Variants in CDKAL1 observed in about 807,000 individuals in gnomAD.
CDKAL1 encodes threonylcarbamoyladenosine tRNA methylthiotransferase.
In CDKAL1, 32 loss-of-function variants were observed where a neutral mutation model predicts 68.2. The observed-to-expected ratio is 0.47, with a 90% CI of 0.35 to 0.63. CDKAL1 has a LOEUF of 0.63. CDKAL1 is among the 30% of genes least tolerant of loss of function. CDKAL1 has a pLI of 0.00. For missense variants in CDKAL1, 606 were observed against 696.7 expected (o/e 0.87, Z 1.47); for synonymous variants, 234 against 244.3 (o/e 0.96, Z 0.39).
intron 4 of CDKAL1, among the ~76,000 whole-genome samples, chr6:20,614,733 G>A (rs185530797): frequency 5.6e-4 from 85 of 152,188 alleles, no homozygotes; most frequent in Non-Finnish European, 6.3e-4. Flanking sequence ...GTAGTTCTGC[G>A]TGTAGCTTTA....
intron 4 of CDKAL1, among the ~76,000 whole-genome samples, chr6:20,628,245 T>C (rs1767517801): frequency 6.6e-6 from 1 of 152,152 alleles, no homozygotes; most frequent in Non-Finnish European, 1.5e-5. Context: ...TGGTAGATGC[T>C]CTTTATGTGT....
intron 4 of CDKAL1, among the ~76,000 whole-genome samples, chr6:20,609,277 C>CTCCTTCTCCTTCTTA (rs1766485386): frequency 5.9e-5 from 1 of 16,952 alleles, no homozygotes; most frequent in Non-Finnish European, 1.7e-4. Flanking sequence ...CCTCCTTCTC[C>CTCCTTCTCCTTCTTA]TCCTTCTCCT....
chr6:20,590,897 G>T (rs1046117672), intron 4 of CDKAL1, among the ~76,000 whole-genome samples: 3 of 152,102 alleles, frequency 2.0e-5, no homozygotes, highest in Non-Finnish European at 2.9e-5. Context: ...GGGTCAAATG[G>T]TATTTCTGGT....
chr6:20,590,291 A>G (rs1765536624), intron 4 of CDKAL1, among the ~76,000 whole-genome samples: 1 of 152,132 alleles, frequency 6.6e-6, no homozygotes, highest in Admixed American at 6.5e-5. Context: ...TCTAGACTAG[A>G]TATGCAAATT....
intron 13 of CDKAL1, among the ~76,000 whole-genome samples, chr6:21,113,808 T>C (rs1774248114): frequency 6.6e-6 from 1 of 151,748 alleles, no homozygotes; most frequent in African/African-American, 2.4e-5. Flanking sequence ...GGTGTGGTGC[T>C]GTGTGCCTGT....
chr6:20,749,021 C>A (rs146207551), intron 6 of CDKAL1, among the ~76,000 whole-genome samples: 2 of 140,486 alleles, frequency 1.4e-5, no homozygotes, highest in East Asian at 1.9e-4. Context: ...AAAATGTATT[C>A]ACTTCTTTTA....
chr6:20,650,146 T>C (rs930315625), intron 5 of CDKAL1, among the ~76,000 whole-genome samples: 5 of 152,220 alleles, frequency 3.3e-5, no homozygotes, highest in African/African-American at 1.2e-4. Flanking sequence ...CCACACTGTC[T>C]TCCACAATGG....
At chr6:20,914,210 A>C (rs1052742058) in intron 9 of CDKAL1, among the ~76,000 whole-genome samples, 1 of 152,174 alleles carries the variant, frequency 6.6e-6, no homozygotes, top group Non-Finnish European at 1.5e-5. Context: ...GTGTGGCATG[A>C]ACCTGGGAGG....
chr6:20,998,565 C>T lies in CDKAL1; in HGVS notation c.910-1662C>T, dbSNP rs561282939. On this transcript the variant is annotated intron_variant, in intron 10 of 15. Transcript: ENST00000274695. ...GGTGGAGGTGGCAGTGAGCTGAGAT[C>T]GCGCCAGTGCACTCCAGCCTGGGTG... is the stretch of plus-strand genomic sequence containing the variant. 1.2e-3 allele frequency among the ~76,000 whole-genome samples: 188 copies of T among 151,338 alleles called. 2 individuals are homozygous for T. The highest frequency in any genetic ancestry group is 1.6e-3 in the Non-Finnish European group (111 of 67,892).
chr6:21,089,543 T>TA (rs1158234590), intron 12 of CDKAL1, among the ~76,000 whole-genome samples: 2 of 152,142 alleles, frequency 1.3e-5, no homozygotes, highest in African/African-American at 4.8e-5. Flanking sequence ...TGTGACTGTG[T>TA]AGATCCTTTG....
chr6:20,761,543 TAAAG>T (rs1342043120), intron 7 of CDKAL1, among the ~76,000 whole-genome samples: 1 of 152,086 alleles, frequency 6.6e-6, no homozygotes, highest in African/African-American at 2.4e-5. Flanking sequence ...AGTAAATAGA[TAAAG>T]AAACTGTGGT....
At chr6:21,092,343 A>C (rs1417903667) in intron 12 of CDKAL1, among the ~76,000 whole-genome samples, 4 of 149,238 alleles carry the variant, frequency 2.7e-5, no homozygotes, top group Non-Finnish European at 5.9e-5. Flanking sequence ...GGTTTGCTGC[A>C]CCTGTCAACC....
chr6:21,151,259 C>T (rs961953247), intron 13 of CDKAL1, among the ~76,000 whole-genome samples: 9 of 152,252 alleles, frequency 5.9e-5, no homozygotes, highest in Admixed American at 2.0e-4. Context: ...ATAGAAAAGC[C>T]GTACTGAACT....
chr6:20,958,596 G>GA (rs1183885449), intron 10 of CDKAL1, among the ~76,000 whole-genome samples: 1 of 152,000 alleles, frequency 6.6e-6, no homozygotes, highest in Non-Finnish European at 1.5e-5. Flanking sequence ...TCACCAATAA[G>GA]AAAAAACAGA....
intron 7 of CDKAL1, among the ~76,000 whole-genome samples, chr6:20,764,713 A>G (rs1206402886): frequency 6.6e-6 from 1 of 152,222 alleles, no homozygotes; most frequent in Admixed American, 6.5e-5. Context: ...TCAATGAGTA[A>G]GTGATTGAGC....
chr6:21,022,181 G>A (rs947998653), intron 11 of CDKAL1, among the ~76,000 whole-genome samples: 19 of 152,154 alleles, frequency 1.2e-4, no homozygotes, highest in African/African-American at 4.3e-4. Context: ...TGCAGGTCCC[G>A]AGGTATGAAA....
chr6:20,909,447 A>T (rs1020260750), intron 9 of CDKAL1, among the ~76,000 whole-genome samples: 1 of 152,128 alleles, frequency 6.6e-6, no homozygotes, highest in Non-Finnish European at 1.5e-5. Context: ...TTGTAAACCA[A>T]TGTTGTTTTG....
intron 4 of CDKAL1, among the ~76,000 whole-genome samples, chr6:20,637,075 T>C (rs9368215): frequency 0.64 from 96,856 of 150,446 alleles, 31,438 homozygotes; most frequent in East Asian, 0.82. Context: ...AAGAAAGGAC[T>C]GTTTCACTGC....
At chr6:20,926,632 A>G (rs932441390) in intron 9 of CDKAL1, among the ~76,000 whole-genome samples, 1 of 152,086 alleles carries the variant, frequency 6.6e-6, no homozygotes, top group East Asian at 1.9e-4. Context: ...TTTGAATGCA[A>G]TATATAATTG....
Sources: gnomAD v4.1 joint callset for allele counts (sites outside exome capture counted in the v4.1 genomes callset) on GRCh38, gnomAD v4.1.1 for gene constraint, MANE v1.5 for transcripts, NCBI Gene and HGNC (gene_info 2026-07-23, HGNC 2026-07-21) for gene names.